The following SMIM31 variants were observed in gnomAD, a reference collection of about 807,000 sequenced individuals.
SMIM31 encodes the protein human epithelial cell program regulator.
At chr4:164,779,756 G>A (rs531591158) in intron 2 of SMIM31, among the ~76,000 whole-genome samples, 1 of 152,236 alleles carries the variant, frequency 6.6e-6, no homozygotes, top group African/African-American at 2.4e-5. Flanking sequence ...TATCCTCTCT[G>A]CATCAATGTT....
chr4:164,788,997 T>G (rs1356906786), intron 2 of SMIM31, among the ~76,000 whole-genome samples: 1 of 152,138 alleles, frequency 6.6e-6, no homozygotes, highest in Non-Finnish European at 1.5e-5. Context: ...TTAATGGAAC[T>G]TTAGATTTAA....
chr4:164,784,899 G>GTTTTTTT (rs112698821), intron 2 of SMIM31, among the ~76,000 whole-genome samples: 32 of 146,270 alleles, frequency 2.2e-4, no homozygotes, highest in African/African-American at 6.6e-4. Context: ...ATTTGTTTGG[G>GTTTTTTT]TTTTTTTTTT....
chr4:164,799,034 C>T (rs773719002), intron 2 of SMIM31, among the ~76,000 whole-genome samples: 11 of 152,090 alleles, frequency 7.2e-5, no homozygotes, highest in African/African-American at 1.4e-4. Flanking sequence ...GAGCAGATGC[C>T]GGTGCCACGC....
chr4:164,800,933 T>C (rs1206147436), intron 2 of SMIM31, among the ~76,000 whole-genome samples, 158 bp from the exon 3 acceptor site: 1 of 152,176 alleles, frequency 6.6e-6, no homozygotes, highest in African/African-American at 2.4e-5. Flanking sequence ...TGTCCTCTCA[T>C]CCTTGCTCTG....
intron 1 of SMIM31, among the ~76,000 whole-genome samples, chr4:164,765,805 A>G (rs1732713001): frequency 6.6e-6 from 1 of 152,192 alleles, no homozygotes; most frequent in South Asian, 2.1e-4. Context: ...ATAAGAATTC[A>G]AAACACTAAA....
At chr4:164,799,392 T>TAATA (rs935931719) in intron 2 of SMIM31, among the ~76,000 whole-genome samples, 7 of 151,386 alleles carry the variant, frequency 4.6e-5, no homozygotes, top group South Asian at 2.1e-4. Context: ...CTCAAAAAAA[T>TAATA]AATAAATAAA....
intron 2 of SMIM31, among the ~76,000 whole-genome samples, chr4:164,774,191 A>G (rs932531916): frequency 6.6e-6 from 1 of 150,548 alleles, no homozygotes; most frequent in Non-Finnish European, 1.5e-5. Flanking sequence ...AAAAAGGTTC[A>G]TCATCATGAA....
chr4:164,796,729 T>C (rs1401809566), intron 2 of SMIM31, among the ~76,000 whole-genome samples: 1 of 152,214 alleles, frequency 6.6e-6, no homozygotes, highest in Non-Finnish European at 1.5e-5. Context: ...GCAAATCTTG[T>C]TGGCTGTAGC....
In SMIM31 at chr4:164,802,688, T is replaced by C. The variant is rs950718806; in HGVS notation, c.*1494T>C. ...CTCCATTGCCACAGAGTTTCAGTCA[T>C]GTGAGAGACTCCCTTTATCTGTACT... On this transcript the variant is annotated 3_prime_UTR_variant, in exon 3 of 3. Transcript: ENST00000507311. 1.3e-5 allele frequency: 2 copies of C among 152,234 alleles called. No individual in the cohort carries two copies. Among genetic ancestry groups the C allele is most frequent in the African/African-American group, 2.4e-5 (1 of 41,462 alleles). 9.4% of individuals were successfully genotyped at this position (152,234 alleles called of 1,614,324 possible).
chr4:164,766,723 G>A (rs532817438), intron 1 of SMIM31, among the ~76,000 whole-genome samples: 11 of 151,960 alleles, frequency 7.2e-5, no homozygotes, highest in African/African-American at 1.5e-4. Context: ...GCTTGAACCC[G>A]GGAAGCGGAG....
intron 2 of SMIM31, among the ~76,000 whole-genome samples, chr4:164,798,691 GGA>G (rs1196349655): frequency 1.3e-5 from 2 of 152,192 alleles, no homozygotes; most frequent in African/African-American, 2.4e-5. Flanking sequence ...CGGAGAACCA[GGA>G]GAGTCAGTGA....
intron 1 of SMIM31, among the ~76,000 whole-genome samples, chr4:164,762,829 G>T (rs543390446): frequency 1.3e-5 from 2 of 152,286 alleles, no homozygotes; most frequent in Non-Finnish European, 2.9e-5. Context: ...ACAGTTGTGG[G>T]TGAGTTTATG....
chr4:164,758,078 T>C (rs1268018083), intron 1 of SMIM31, among the ~76,000 whole-genome samples: 2 of 149,482 alleles, frequency 1.3e-5, no homozygotes, highest in Non-Finnish European at 3.0e-5. Context: ...CTCTCAGAAG[T>C]GTTTTGTAGT....
chr4:164,768,559 T>C (rs570592660), intron 1 of SMIM31, among the ~76,000 whole-genome samples: 1 of 152,322 alleles, frequency 6.6e-6, no homozygotes, highest in Admixed American at 6.5e-5. Context: ...GACAACTACC[T>C]TAAAATCTGT....
At position 164,777,057 on chromosome 4, in the gene SMIM31, A is replaced by G. The variant is rs186644518; in HGVS notation, c.112+6502A>G. 1.5e-3 allele frequency among the ~76,000 whole-genome samples: 223 copies of G among 152,284 alleles called. 2 individuals are homozygous for G. The highest frequency in any genetic ancestry group is 1.4e-3 in the Admixed American group (22 of 15,284). ...AAGATGATATATGGGCTATTCATAA[A>G]CCTCCTTCTTGAAAACTCAGTGACA... On this transcript the variant is annotated intron_variant, in intron 2 of 2. Coordinates refer to ENST00000507311, the MANE Select transcript of SMIM31 (RefSeq NM_001352885.1).
intron 2 of SMIM31, among the ~76,000 whole-genome samples, chr4:164,792,244 G>C (rs189715984): frequency 6.6e-6 from 1 of 152,072 alleles, no homozygotes; most frequent in Non-Finnish European, 1.5e-5. Flanking sequence ...TTTTCAAAGC[G>C]GTTTCTTGAA....
chr4:164,767,650 AGC>A (rs1732736956), intron 1 of SMIM31, among the ~76,000 whole-genome samples: 2 of 152,214 alleles, frequency 1.3e-5, no homozygotes, highest in Admixed American at 1.3e-4. Context: ...AGGCATCAGA[AGC>A]ATCATCTTTG....
At chr4:164,782,074 T>C (rs1732957565) in intron 2 of SMIM31, among the ~76,000 whole-genome samples, 2 of 152,060 alleles carry the variant, frequency 1.3e-5, no homozygotes, top group South Asian at 4.1e-4. Context: ...GTGGATCACC[T>C]GAGGTCGGGA....
At chr4:164,794,397 G>A (rs1257614887) in intron 2 of SMIM31, among the ~76,000 whole-genome samples, 2 of 151,784 alleles carry the variant, frequency 1.3e-5, no homozygotes, top group African/African-American at 4.8e-5. Context: ...GAAAAAAGAA[G>A]AAGAAGAAGA....
Sources: gnomAD v4.1 joint callset for allele counts (sites outside exome capture counted in the v4.1 genomes callset) on GRCh38, gnomAD v4.1.1 for gene constraint, MANE v1.5 for transcripts, NCBI Gene and HGNC (gene_info 2026-07-23, HGNC 2026-07-21) for gene names.